CTNNBL1: variants seen among roughly 807,000 people sequenced by gnomAD.
CTNNBL1 encodes catenin beta like 1, also known as beta-catenin-like protein 1.
A neutral mutation model predicts 72.7 loss-of-function variants in CTNNBL1; 31 were observed. The observed-to-expected ratio is 0.43, with a 90% CI of 0.32 to 0.58. CTNNBL1 has a LOEUF of 0.58. CTNNBL1 is among the 20% of genes least tolerant of loss of function. The pLI, the probability that CTNNBL1 is intolerant of heterozygous loss-of-function variation, is 0.08. For synonymous variants in CTNNBL1, 240 were observed against 267.3 expected (o/e 0.90, Z 1.00); for missense variants, 534 against 725.1 (o/e 0.74, Z 3.03).
chr20:37,863,064 C>T (rs1040363697), intron 15 of CTNNBL1, among the ~76,000 whole-genome samples: 2 of 152,264 alleles, frequency 1.3e-5, no homozygotes, highest in Non-Finnish European at 2.9e-5. Flanking sequence ...ATAATGGGAA[C>T]CAGTAACAAT....
intron 11 of CTNNBL1, among the ~76,000 whole-genome samples, chr20:37,815,721 G>A (rs960042475): frequency 6.6e-5 from 10 of 152,208 alleles, no homozygotes; most frequent in Admixed American, 2.0e-4. Flanking sequence ...TTGGGTTATA[G>A]CATAAGAAGG....
At chr20:37,776,471 G>A (rs2073574462) in intron 7 of CTNNBL1, among the ~76,000 whole-genome samples, 1 of 152,154 alleles carries the variant, frequency 6.6e-6, no homozygotes, top group Non-Finnish European at 1.5e-5. Flanking sequence ...CAAAAACACA[G>A]ATAGGTAGCA....
intron 10 of CTNNBL1, among the ~76,000 whole-genome samples, chr20:37,792,814 G>A (rs2073737828): frequency 6.6e-6 from 1 of 152,150 alleles, no homozygotes; most frequent in Admixed American, 6.5e-5. Flanking sequence ...TACTTTAGCT[G>A]TGTCATATAG....
At chr20:37,810,914 T>C (rs2072006511) in intron 11 of CTNNBL1, among the ~76,000 whole-genome samples, 1 of 152,160 alleles carries the variant, frequency 6.6e-6, no homozygotes, top group South Asian at 2.1e-4. Context: ...TTTCTTCTGT[T>C]GTAAAATTGA....
intron 10 of CTNNBL1, among the ~76,000 whole-genome samples, chr20:37,796,852 G>A (rs902009550): frequency 1.1e-4 from 16 of 152,136 alleles, no homozygotes; most frequent in African/African-American, 3.6e-4. Context: ...GGAAGAGACC[G>A]CATAATGCAA....
chr20:37,856,729 C>T (rs2072445359), intron 13 of CTNNBL1, among the ~76,000 whole-genome samples: 1 of 152,194 alleles, frequency 6.6e-6, no homozygotes, highest in Non-Finnish European at 1.5e-5. Flanking sequence ...CCTTACATTT[C>T]ACCCAACCCC....
intron 4 of CTNNBL1, chr20:37,756,325 T>G (rs2073362841): frequency 6.6e-6 from 1 of 152,208 alleles, no homozygotes; most frequent in Admixed American, 6.5e-5. Context: ...AAGAATGGAT[T>G]GGCCTTTATC....
chr20:37,716,365 G>T (rs2072986140), intron 1 of CTNNBL1, among the ~76,000 whole-genome samples: 1 of 152,308 alleles, frequency 6.6e-6, no homozygotes, highest in East Asian at 1.9e-4. Flanking sequence ...TGGCCAAGAC[G>T]CATTTGCCCA....
chr20:37,694,752 G>A (rs1023377287), intron 1 of CTNNBL1, among the ~76,000 whole-genome samples: 22 of 152,228 alleles, frequency 1.4e-4, no homozygotes, highest in African/African-American at 5.1e-4. Flanking sequence ...CATGGAATGA[G>A]TTTCTAGGAA....
intron 10 of CTNNBL1, among the ~76,000 whole-genome samples, chr20:37,798,607 A>G (rs770089255): frequency 2.0e-5 from 3 of 152,236 alleles, no homozygotes; most frequent in Admixed American, 6.5e-5. Flanking sequence ...GTGGTGATCA[A>G]TATGCAATTA....
intron 15 of CTNNBL1, among the ~76,000 whole-genome samples, chr20:37,868,136 C>T (rs1287044905): frequency 6.6e-6 from 1 of 152,196 alleles, no homozygotes; most frequent in Non-Finnish European, 1.5e-5. Context: ...CTGTCCTGGC[C>T]ACCGAGGCCA....
In CTNNBL1 at chr20:37,872,055, C is replaced by T; in HGVS notation, c.*42C>T. On this transcript the variant is annotated 3_prime_UTR_variant, in exon 16 of 16. Coordinates refer to ENST00000361383, the MANE Select transcript of CTNNBL1 (RefSeq NM_030877.5). ...CGCATCATGGACTCTCTCAGCTTCC[C>T]TCCCAGGATCAGTTTCTACACAACT... The T allele has an allele frequency of 6.7e-7, 1 of 1,503,716 alleles. No homozygotes were observed. The highest frequency in any genetic ancestry group is 9.3e-7 in the Non-Finnish European group (1 of 1,079,608). The allele number at this position is 1,503,716 out of a possible 1,614,324, so 93.1% of individuals were successfully genotyped here. A position where few individuals can be genotyped will look rare whatever the true frequency, so the allele number is the denominator to read the frequency against.
intron 1 of CTNNBL1, among the ~76,000 whole-genome samples, chr20:37,714,424 A>G (rs1040936732): frequency 2.6e-5 from 4 of 152,168 alleles, no homozygotes; most frequent in Admixed American, 6.5e-5. Flanking sequence ...CTTTTCCTTG[A>G]TGGGAACAGA....
chr20:37,741,998 A>G (rs896579131), intron 3 of CTNNBL1, among the ~76,000 whole-genome samples: 5 of 151,470 alleles, frequency 3.3e-5, no homozygotes, highest in Admixed American at 6.6e-5. Context: ...TTTTTTTTTT[A>G]ATGTCATCCT....
intron 2 of CTNNBL1, among the ~76,000 whole-genome samples, chr20:37,733,687 C>T (rs566059181): frequency 4.6e-5 from 7 of 152,316 alleles, no homozygotes; most frequent in African/African-American, 1.7e-4. Context: ...GATGTTTCCT[C>T]CTCCAAGAAG....
intron 1 of CTNNBL1, among the ~76,000 whole-genome samples, chr20:37,712,255 A>AGC (rs1440144958): frequency 2.0e-5 from 3 of 152,172 alleles, no homozygotes; most frequent in African/African-American, 7.2e-5. Context: ...CCTTTTGTTG[A>AGC]GCGCCCTGGC....
intron 1 of CTNNBL1, among the ~76,000 whole-genome samples, chr20:37,695,998 G>A (rs866579973): frequency 4.6e-5 from 7 of 152,326 alleles, no homozygotes; most frequent in South Asian, 2.1e-4. Flanking sequence ...TTAATTGATA[G>A]TGAAAGATGA....
At chr20:37,756,386 A>G (rs1460538022) in intron 4 of CTNNBL1, 1 of 151,260 alleles carries the variant, frequency 6.6e-6, no homozygotes, top group Non-Finnish European at 1.5e-5. Context: ...AGTTTGCTGG[A>G]GCAAGGTGTC....
intron 10 of CTNNBL1, among the ~76,000 whole-genome samples, chr20:37,802,184 A>G (rs979958135): frequency 2.0e-5 from 3 of 152,252 alleles, no homozygotes; most frequent in African/African-American, 7.2e-5. Flanking sequence ...AAAGGAATGA[A>G]GTACTGATAT....
Sources: gnomAD v4.1 joint callset for allele counts (sites outside exome capture counted in the v4.1 genomes callset) on GRCh38, gnomAD v4.1.1 for gene constraint, MANE v1.5 for transcripts, NCBI Gene and HGNC (gene_info 2026-07-23, HGNC 2026-07-21) for gene names.